The following SF3B2 variants were observed in gnomAD, a reference collection of about 807,000 sequenced individuals.
SF3B2 encodes SAP 145.
In SF3B2, 22 loss-of-function variants were observed where a neutral mutation model predicts 116.3. The observed-to-expected ratio is 0.19, with a 90% CI of 0.14 to 0.27. The LOEUF (loss-of-function observed/expected upper bound fraction) is 0.27, where lower values mean the gene tolerates loss of function less well. SF3B2 is among the 10% of genes least tolerant of loss of function. The probability of loss-of-function intolerance (pLI) is 1.00; values close to 1 mark genes in which losing one functional copy is unlikely to be tolerated. For missense variants in SF3B2, 767 were observed against 1,151.4 expected (o/e 0.67, Z 4.83); for synonymous variants, 406 against 421.6 (o/e 0.96, Z 0.45).
rs1857133983 is a variant in SF3B2 at position 66,063,712 on chromosome 11, T to C, written c.2313T>C (p.Ile771=). 1 of 1,612,440 alleles carries C rather than the reference T, an allele frequency of 6.2e-7. No individual in the cohort carries two copies. The highest frequency in any genetic ancestry group is 1.1e-5 in the South Asian group (1 of 90,718). The change falls in exon 19 of 22, where the codon ATT becomes ATC. Residue 771 remains isoleucine (I), a synonymous_variant. Coordinates refer to ENST00000322535, the MANE Select transcript of SF3B2 (RefSeq NM_006842.3). ...PELIELRKKK[I]EEAMDGSETP... The stretch of plus-strand genomic sequence containing the variant: ...TCATTGAGCTGAGGAAGAAGAAGAT[T>C]GAGGAGGCGATGGACGGGTAAGGGT...
chr11:66,053,260 C>A, intron 3 of SF3B2, 156 bp downstream of exon 3: 1 of 720,120 alleles, frequency 1.4e-6, no homozygotes, highest in Non-Finnish European at 2.4e-6. Context: ...TCCATATGTT[C>A]AGGGTAGCCC....
intron 14 of SF3B2, among the ~76,000 whole-genome samples, chr11:66,061,099 G>A (rs989290638): frequency 6.6e-6 from 1 of 152,168 alleles, no homozygotes; most frequent in Non-Finnish European, 1.5e-5. Flanking sequence ...CCTGGCCAAG[G>A]AGGGCTTTTG....
chr11:66,052,769 C>T lies in SF3B2; in HGVS notation c.180+50C>T, dbSNP rs777294385. Reference sequence around the variant, plus strand: ...GGATAGGCCGAGCTTCTCCAGGAGACCTTATATACCCCATCACGGCTCGGT... The same window carrying T: ...GGATAGGCCGAGCTTCTCCAGGAGATCTTATATACCCCATCACGGCTCGGT... On this transcript the variant is annotated intron_variant, in intron 2 of 21. Transcript: ENST00000322535. 2.0e-6 allele frequency: 3 copies of T among 1,513,762 alleles called. No homozygotes were observed. In the South Asian group the frequency reaches 3.9e-5, roughly 20 times the overall value. The allele number at this position is 1,513,762 out of a possible 1,614,324, so 93.8% of individuals were successfully genotyped here. A position where few individuals can be genotyped will look rare whatever the true frequency, so the allele number is the denominator to read the frequency against.
chr11:66,054,623 A>T (rs1274852828), intron 3 of SF3B2, among the ~76,000 whole-genome samples: 1 of 152,138 alleles, frequency 6.6e-6, no homozygotes, highest in South Asian at 2.1e-4. Flanking sequence ...ATTTGATTTC[A>T]CACCCCTTGC....
chr11:66,067,725 A>G lies in SF3B2; in HGVS notation c.2331-221A>G, dbSNP rs946635343. The G allele has an allele frequency of 1.3e-5, 7 of 543,756 alleles. No individual in the cohort carries two copies. In the Admixed American group the frequency reaches 2.1e-4, roughly 16 times the overall value. The allele number at this position is 543,756 out of a possible 1,614,324, so 33.7% of individuals were successfully genotyped here. ...GGTCTGTGATCCCTTGACTTGATTC[A>G]GGGGGCCCCTTAGCTCCATCTGTGT... On this transcript the variant is annotated intron_variant, in intron 19 of 21. Coordinates refer to ENST00000322535, the MANE Select transcript of SF3B2 (RefSeq NM_006842.3).
intron 19 of SF3B2, among the ~76,000 whole-genome samples, chr11:66,064,262 T>C (rs928975221): frequency 6.6e-6 from 1 of 152,256 alleles, no homozygotes; most frequent in African/African-American, 2.4e-5. Context: ...TTTGGATTAC[T>C]TGAACAATTT....
rs1590713625 is a variant in SF3B2 at position 66,060,121 on chromosome 11, G to A, written c.1629+112G>A. ...CCCACCTACCACCTACTTGTTACTT[G>A]TCTAATTATCCTTTTGTTTTCCTCC... On this transcript the variant is annotated intron_variant, in intron 13 of 21. Transcript: ENST00000322535. The A allele has an allele frequency of 4.3e-6, 4 of 939,658 alleles. No individual in the cohort carries two copies. The East Asian group carries it at 7.9e-5, about 19-fold the overall frequency. The allele number at this position is 939,658 out of a possible 1,614,324, so 58.2% of individuals were successfully genotyped here.
chr11:66,057,238 C>A, intron 6 of SF3B2, 28 bp from the exon 7 acceptor site: 1 of 1,365,428 alleles, frequency 7.3e-7, no homozygotes, highest in Non-Finnish European at 1.0e-6. Flanking sequence ...CCTCTTCTGA[C>A]ATTGGATTTC....
At chr11:66,055,822 T>A in intron 5 of SF3B2, 1 of 507,016 alleles carries the variant, frequency 2.0e-6, no homozygotes, top group Non-Finnish European at 3.4e-6. Flanking sequence ...TTAAGGGTTA[T>A]AAGAAAACCC....
Position 66,052,660 on chromosome 11 carries a change from C to T in SF3B2, c.134-13C>T. ...GCTGGCCTGCCCCATTGATCGTGTA[C>T]TTTGCCCTGCAGGTAATCGCGAGGA... On this transcript the variant is annotated splice_polypyrimidine_tract_variant and intron_variant, in intron 1 of 21. Coordinates refer to ENST00000322535, the MANE Select transcript of SF3B2 (RefSeq NM_006842.3). 6.3e-7 allele frequency: 1 copy of T among 1,597,128 alleles called. No individual in the cohort carries two copies. The highest frequency in any genetic ancestry group is 8.5e-7 in the Non-Finnish European group (1 of 1,172,770).
chr11:66,067,327 G>C (rs1231882137), intron 19 of SF3B2: 1 of 444,242 alleles, frequency 2.3e-6, no homozygotes, highest in East Asian at 7.0e-5. Flanking sequence ...AAGCCTCAGA[G>C]GGTTTTGAGC....
chr11:66,064,463 C>T (rs1857146653), intron 19 of SF3B2, among the ~76,000 whole-genome samples: 1 of 152,136 alleles, frequency 6.6e-6, no homozygotes, highest in South Asian at 2.1e-4. Context: ...AATTTTTGCA[C>T]TATATTGTCA....
In SF3B2 at chr11:66,068,680, A is replaced by C; in HGVS notation, c.2623A>C (p.Lys875Gln). Reference sequence around the variant, plus strand: ...TCTCTTTCTCCCTATACAGCAAAAAAAACGGAAAGCTCAGCCCCAGGACAG... The same window carrying C: ...TCTCTTTCTCCCTATACAGCAAAAACAACGGAAAGCTCAGCCCCAGGACAG... ...AEHAAKQKQK[K>Q]RKAQPQDSRG... Residue 875 changes from lysine to glutamine, a missense_variant, in exon 22 of 22, where the codon AAA becomes CAA. Lys to Gln is a moderately conservative substitution (Grantham distance 53, BLOSUM62 1). Around this residue, in one of 4 missense-constraint regions of SF3B2, gnomAD observed 27 missense variants for 28.0 expected, o/e 0.96. Transcript: ENST00000322535. 6.2e-7 allele frequency: 1 copy of C among 1,614,088 alleles called. No homozygotes were observed.
chr11:66,054,090 G>C (rs1425171336), intron 3 of SF3B2: 1 of 150,676 alleles, frequency 6.6e-6, no homozygotes, highest in Non-Finnish European at 1.5e-5. Flanking sequence ...GCTGAGGCAG[G>C]AGAATCACTT....
In SF3B2 at chr11:66,052,373, C is replaced by T. The variant is rs773261758; in HGVS notation, c.-12C>T. ...AGCTTCCGGGTTGGTCGCGCGCCTTCCTGCGGCTAAGATGGCGACGGAGCA... is the reference window on the plus strand; with the variant it reads ...AGCTTCCGGGTTGGTCGCGCGCCTTTCTGCGGCTAAGATGGCGACGGAGCA... On this transcript the variant is annotated 5_prime_UTR_variant, in exon 1 of 22. Transcript: ENST00000322535. 4 of 1,607,364 alleles carry T rather than the reference C, an allele frequency of 2.5e-6. No individual in the cohort carries two copies. Among genetic ancestry groups the T allele is most frequent in the South Asian group, 1.1e-5 (1 of 90,702 alleles).
At chr11:66,055,780 G>T in intron 5 of SF3B2, 195 bp downstream of exon 5, 1 of 554,022 alleles carries the variant, frequency 1.8e-6, no homozygotes. Context: ...GCATGTGTAT[G>T]GCCTATGAGC....
At position 66,060,117 on chromosome 11, in the gene SF3B2, A is replaced by G. The variant is rs1016881835; in HGVS notation, c.1629+108A>G. ...GAAACCCACCTACCACCTACTTGTT[A>G]CTTGTCTAATTATCCTTTTGTTTTC... On this transcript the variant is annotated intron_variant, in intron 13 of 21. Coordinates refer to ENST00000322535, the MANE Select transcript of SF3B2 (RefSeq NM_006842.3). 8 of 958,694 alleles carry G rather than the reference A, an allele frequency of 8.3e-6. No homozygotes were observed. The Admixed American group carries it at 1.8e-4, about 21-fold the overall frequency. The allele number at this position is 958,694 out of a possible 1,614,324, so 59.4% of individuals were successfully genotyped here.
chr11:66,061,490 A>G (rs1261857128), intron 14 of SF3B2, among the ~76,000 whole-genome samples, 196 bp from the exon 15 acceptor site: 1 of 152,146 alleles, frequency 6.6e-6, no homozygotes, highest in Non-Finnish European at 1.5e-5. Flanking sequence ...CCGTGTTCTC[A>G]TAGTGGGTTA....
At chr11:66,056,146 A>T (rs1346191916) in intron 5 of SF3B2, among the ~76,000 whole-genome samples, 2 of 152,208 alleles carry the variant, frequency 1.3e-5, no homozygotes, top group Non-Finnish European at 2.9e-5. Context: ...TCACACCTGT[A>T]ATCCTAGCAC....
Sources: allele counts gnomAD v4.1 joint callset (sites outside exome capture counted in the v4.1 genomes callset), GRCh38; gene constraint gnomAD v4.1.1; regional missense constraint gnomAD v4.1.1; transcripts MANE v1.5; gene names NCBI Gene and HGNC (gene_info 2026-07-23, HGNC 2026-07-21).